AKT2: variants seen among roughly 807,000 people sequenced by gnomAD.
AKT2 encodes AKT serine/threonine kinase 2.
AKT2 carries 16 observed loss-of-function variants against 58.6 expected under a neutral mutation model. That is an observed-to-expected ratio of 0.27 (90% CI 0.18 to 0.41). AKT2 has a LOEUF of 0.41. AKT2 is among the 10% of genes least tolerant of loss of function. AKT2 has a pLI of 1.00. For missense variants in AKT2, 438 were observed against 661.0 expected, an observed-to-expected ratio of 0.66 and a Z score of 3.70; for synonymous variants, 253 against 254.0, an observed-to-expected ratio of 1.00 and a Z score of 0.04.
At position 40,238,057 on chromosome 19, in the gene AKT2, G is replaced by A. The variant is rs771461640; in HGVS notation, c.743C>T (p.Thr248Ile). The A allele has an allele frequency of 5.0e-6, 8 of 1,607,076 alleles. No individual in the cohort carries two copies. The South Asian group carries it at 7.8e-5, about 16-fold the overall frequency. ...FFHLSRERVF[T>I]EERARFYGAE... is the part of the protein sequence containing the mutation. ...ACCATAAAACCGGGCCCGCTCCTCT[G>A]TGAAGACACGCTCCCGGGACAGGTG... is the stretch of plus-strand genomic sequence containing the variant. The change falls in exon 9 of 14, where the codon ACA becomes ATA. Residue 248 changes from threonine (T) to isoleucine (I), a missense_variant. Physicochemically the swap from Thr to Ile is moderately conservative, Grantham distance 89. This residue lies in a region of AKT2 where 244 missense variants were observed against 347.1 expected (regional missense o/e 0.70). Coordinates refer to ENST00000392038, the MANE Select transcript of AKT2 (RefSeq NM_001626.6). The surrounding 1 kb of genome is among the most constrained non-coding windows in gnomAD (Gnocchi z 5.1).
intron 2 of AKT2, among the ~76,000 whole-genome samples, chr19:40,261,378 C>G (rs1469987671): frequency 6.6e-6 from 1 of 151,628 alleles, no homozygotes; most frequent in African/African-American, 2.4e-5. Flanking sequence ...ACTAATAATA[C>G]AAAAATTAGC....
chr19:40,278,770 C>G (rs953294127), intron 1 of AKT2, among the ~76,000 whole-genome samples: 1 of 152,006 alleles, frequency 6.6e-6, no homozygotes, highest in African/African-American at 2.4e-5. Flanking sequence ...TGCTTTCCAA[C>G]GCAGCAGCTC....
rs1171919738 is a variant in AKT2, at chr19:40,235,438, C to T, written c.1176-88G>A. Reference sequence around the variant, plus strand: ...TCGGAGCAGGCAGGCCCTGTATGGCCCTTAATGATTCTGTCTTGACCACAA... The same window carrying T: ...TCGGAGCAGGCAGGCCCTGTATGGCTCTTAATGATTCTGTCTTGACCACAA... On this transcript the variant is annotated intron_variant, in intron 11 of 13. Coordinates refer to ENST00000392038, the MANE Select transcript of AKT2 (RefSeq NM_001626.6). This position sits in a 1 kb window ranked among gnomAD's most constrained non-coding sequence, Gnocchi z 6.3. The T allele has an allele frequency of 1.7e-6, 2 of 1,166,140 alleles. No homozygotes were observed. Among genetic ancestry groups the T allele is most frequent in the Non-Finnish European group, 2.5e-6 (2 of 787,024 alleles). 72.2% of individuals were successfully genotyped at this position (1,166,140 alleles called of 1,614,324 possible).
intron 2 of AKT2, among the ~76,000 whole-genome samples, chr19:40,260,657 A>G (rs11667726): frequency 6.9e-6 from 1 of 145,762 alleles, no homozygotes; most frequent in Non-Finnish European, 1.5e-5. Context: ...AAAAAAAAAA[A>G]GAATATATCA....
intron 1 of AKT2, chr19:40,275,509 G>C: frequency 2.7e-6 from 1 of 364,288 alleles, no homozygotes; most frequent in South Asian, 2.0e-5. Flanking sequence ...TGGGAAAACT[G>C]AGGCCCAGGG....
rs1974141745 is a variant in AKT2 at position 40,238,053 on chromosome 19, C to T, written c.747G>A (p.Glu249=). ...FHLSRERVFT[E]ERARFYGAEI... ...CTGCACCATAAAACCGGGCCCGCTC[C>T]TCTGTGAAGACACGCTCCCGGGACA... The change falls in exon 9 of 14, where the codon GAG becomes GAA. Residue 249 remains glutamate, a synonymous_variant. Transcript: ENST00000392038. The surrounding 1 kb of genome is among the most constrained non-coding windows in gnomAD (Gnocchi z 5.1). 6.2e-7 allele frequency: 1 copy of T among 1,608,226 alleles called. No homozygotes were observed. The highest frequency in any genetic ancestry group is 2.2e-5 in the East Asian group (1 of 44,706).
chr19:40,232,898 C>T lies in AKT2; in HGVS notation c.*974G>A, dbSNP rs1172625372. 1 of 233,554 alleles carries T rather than the reference C, an allele frequency of 4.3e-6. No homozygotes were observed. The highest frequency in any genetic ancestry group is 5.6e-5 in the Admixed American group (1 of 17,794). The allele number at this position is 233,554 out of a possible 1,614,324, so 14.5% of individuals were successfully genotyped here. ...AGGGGGGCCTAGGAGCCTCCCTTTT[C>T]AGAGGCCCCCCACCCCAATAGGTAC... On this transcript the variant is annotated 3_prime_UTR_variant, in exon 14 of 14. Coordinates refer to ENST00000392038, the MANE Select transcript of AKT2 (RefSeq NM_001626.6).
intron 2 of AKT2, among the ~76,000 whole-genome samples, chr19:40,264,205 A>C (rs1976176493): frequency 6.6e-6 from 1 of 152,080 alleles, no homozygotes; most frequent in African/African-American, 2.4e-5. Context: ...ACACCTGGGG[A>C]CCTTCTTTCC....
At chr19:40,265,609 T>C in intron 1 of AKT2, 1 of 436,684 alleles carries the variant, frequency 2.3e-6, no homozygotes, top group South Asian at 2.3e-5. Flanking sequence ...AGGACACCCA[T>C]GCTGGGGGGA....
intron 1 of AKT2, among the ~76,000 whole-genome samples, chr19:40,281,034 G>A (rs577870445): frequency 1.3e-5 from 2 of 152,316 alleles, no homozygotes; most frequent in Non-Finnish European, 2.9e-5. Context: ...TGGCGGATGA[G>A]TGAAACCTTT....
chr19:40,232,689 A>T lies in AKT2; in HGVS notation c.*1183T>A, dbSNP rs1973768115. The stretch of plus-strand genomic sequence containing the variant: ...GGGATGGGGCCCAAGCCCACACACC[A>T]TGCACACTGGAGGACACGCTGCCCT... On this transcript the variant is annotated 3_prime_UTR_variant, in exon 14 of 14. Transcript: ENST00000392038. The T allele has an allele frequency of 4.3e-6, 1 of 233,288 alleles. No individual in the cohort carries two copies. Among genetic ancestry groups the T allele is most frequent in the Non-Finnish European group, 8.5e-6 (1 of 118,232 alleles). The allele number at this position is 233,288 out of a possible 1,614,324, so 14.5% of individuals were successfully genotyped here.
chr19:40,278,844 C>A (rs1225788141), intron 1 of AKT2, among the ~76,000 whole-genome samples: 1 of 151,868 alleles, frequency 6.6e-6, no homozygotes, highest in Non-Finnish European at 1.5e-5. Context: ...GCAAAATGCA[C>A]CTTAGGGAGA....
Position 40,258,534 on chromosome 19 carries a change from C to T in AKT2, c.47-1480G>A, listed in dbSNP as rs141598945. Among the ~76,000 whole-genome samples, 120 of 151,824 alleles carry T rather than the reference C, an allele frequency of 7.9e-4. 1 individual carries two copies. The East Asian group carries it at 0.019, about 24-fold the overall frequency. ...TTTTTTAATTAGCCAGGAGTCGTTGCGTGTGCCTGAAGTCCCAGCTACTCA... is the reference window on the plus strand; with the variant it reads ...TTTTTTAATTAGCCAGGAGTCGTTGTGTGTGCCTGAAGTCCCAGCTACTCA... On this transcript the variant is annotated intron_variant, in intron 2 of 13. Transcript: ENST00000392038.
At chr19:40,275,647 T>C (rs2077300470) in intron 1 of AKT2, among the ~76,000 whole-genome samples, 1 of 152,034 alleles carries the variant, frequency 6.6e-6, no homozygotes, top group Non-Finnish European at 1.5e-5. Context: ...TGATGGCTAG[T>C]GCAACTAAAG....
In AKT2 at chr19:40,230,634, G is replaced by A. The variant is rs929679299; in HGVS notation, c.*3238C>T. 4.4e-6 allele frequency: 1 copy of A among 226,336 alleles called. No homozygotes were observed. Among genetic ancestry groups the A allele is most frequent in the Non-Finnish European group, 8.8e-6 (1 of 113,748 alleles). The allele number at this position is 226,336 out of a possible 1,614,324, so 14.0% of individuals were successfully genotyped here. On this transcript the variant is annotated 3_prime_UTR_variant, in exon 14 of 14. Transcript: ENST00000392038. Reference sequence around the variant, plus strand: ...GCAGAGAGGTAATCAGCACCAAAATGAGTACTCAAGGCCCTGCGACCTCGG... The same window carrying A: ...GCAGAGAGGTAATCAGCACCAAAATAAGTACTCAAGGCCCTGCGACCTCGG...
At chr19:40,249,646 G>A (rs992215289) in intron 4 of AKT2, among the ~76,000 whole-genome samples, 6 of 152,240 alleles carry the variant, frequency 3.9e-5, no homozygotes, top group African/African-American at 1.4e-4. Context: ...TACAGCTGGA[G>A]GGCATCTGGG....
chr19:40,284,936 C>A, intron 1 of AKT2: 1 of 333,304 alleles, frequency 3.0e-6, no homozygotes, highest in Non-Finnish European at 5.4e-6. Flanking sequence ...CTGCGCTCCC[C>A]GTCCCGCAAA....
At position 40,238,880 on chromosome 19, in the gene AKT2, C is replaced by T; in HGVS notation, c.708+25G>A. On this transcript the variant is annotated intron_variant, in intron 8 of 13. Transcript: ENST00000392038. The surrounding 1 kb of genome is among the most constrained non-coding windows in gnomAD (Gnocchi z 5.1). ...CCCTAAAGAAGGAGGCCCCAGAGGGCAAAGTCAAGGCAGCCGCGGCTCACC... is the reference window on the plus strand; with the variant it reads ...CCCTAAAGAAGGAGGCCCCAGAGGGTAAAGTCAAGGCAGCCGCGGCTCACC... 1 of 1,613,674 alleles carries T rather than the reference C, an allele frequency of 6.2e-7. No individual in the cohort carries two copies. The highest frequency in any genetic ancestry group is 8.5e-7 in the Non-Finnish European group (1 of 1,179,686).
At chr19:40,262,447 GC>G (rs1425830409) in intron 2 of AKT2, among the ~76,000 whole-genome samples, 3 of 152,224 alleles carry the variant, frequency 2.0e-5, no homozygotes, top group Non-Finnish European at 2.9e-5. Context: ...GGCAGATGGA[GC>G]CCAGCATGGG....
Sources: allele counts gnomAD v4.1 joint callset (sites outside exome capture counted in the v4.1 genomes callset), GRCh38; gene constraint gnomAD v4.1.1; regional missense constraint gnomAD v4.1.1; non-coding constraint Gnocchi (gnomAD v3.1); transcripts MANE v1.5; gene names NCBI Gene and HGNC (gene_info 2026-07-23, HGNC 2026-07-21).